The following SULF2 variants were observed in gnomAD, a reference collection of about 807,000 sequenced individuals.
SULF2 encodes sulfatase 2, also known as extracellular sulfatase Sulf-2.
In SULF2, 52 loss-of-function variants were observed where a neutral mutation model predicts 107.7. The observed-to-expected ratio is 0.48, with a 90% CI of 0.39 to 0.61. SULF2 has a LOEUF of 0.61. SULF2 is among the 20% of genes least tolerant of loss of function. SULF2 has a pLI of 0.00. For missense variants in SULF2, 993 were observed against 1,177.3 expected (o/e 0.84, Z 2.29); for synonymous variants, 460 against 464.3 (o/e 0.99, Z 0.12).
intron 1 of SULF2, among the ~76,000 whole-genome samples, chr20:47,780,431 T>C (rs2090809385): frequency 6.6e-6 from 1 of 152,210 alleles, no homozygotes; most frequent in Non-Finnish European, 1.5e-5. Context: ...TTCCCCCAGA[T>C]CTTTCCAAGG....
intron 3 of SULF2, among the ~76,000 whole-genome samples, chr20:47,712,610 G>A (rs2088969713): frequency 6.6e-6 from 1 of 152,206 alleles, no homozygotes; most frequent in South Asian, 2.1e-4. Flanking sequence ...AGCAGTGGCC[G>A]ACAGGAGGGC....
At chr20:47,700,727 C>T (rs527566111) in intron 4 of SULF2, among the ~76,000 whole-genome samples, 1 of 148,698 alleles carries the variant, frequency 6.7e-6, no homozygotes, top group Admixed American at 6.9e-5. Flanking sequence ...CTCACTGCAA[C>T]CTCTGCCTCC....
At chr20:47,717,434 C>A (rs531926761) in intron 3 of SULF2, among the ~76,000 whole-genome samples, 2 of 152,284 alleles carry the variant, frequency 1.3e-5, no homozygotes, top group African/African-American at 2.4e-5. Flanking sequence ...AGGACTCCAG[C>A]GACCACAGAC....
At position 47,757,014 on chromosome 20, in the gene SULF2, C is replaced by A. The variant is rs187174642; in HGVS notation, c.175+175G>T. 2.1e-3 allele frequency among the ~76,000 whole-genome samples: 326 copies of A among 152,336 alleles called. 2 individuals carry two copies. The highest frequency in any genetic ancestry group is 6.8e-3 in the Middle Eastern group (2 of 294). On this transcript the variant is annotated intron_variant, in intron 2 of 20. Transcript: ENST00000688720. Reference sequence around the variant, plus strand: ...ACTGGAGAAGGGTAGAGACCCCTAACCTTGAGGACCCAGTTGTGACCCCAA... The same window carrying A: ...ACTGGAGAAGGGTAGAGACCCCTAAACTTGAGGACCCAGTTGTGACCCCAA...
Position 47,701,922 on chromosome 20 carries a change from A to G in SULF2, c.567+597T>C, listed in dbSNP as rs146866413. On this transcript the variant is annotated intron_variant, in intron 4 of 20. Coordinates refer to ENST00000688720, the MANE Select transcript of SULF2 (RefSeq NM_001387048.1). Reference sequence around the variant, plus strand: ...TGGCCTACCCGGGTGCTCATTACACATGTCCGTTCAGTGTGCGGCAAGCCT... The same window carrying G: ...TGGCCTACCCGGGTGCTCATTACACGTGTCCGTTCAGTGTGCGGCAAGCCT... Among the ~76,000 whole-genome samples, 384 of 152,228 alleles carry G rather than the reference A, an allele frequency of 2.5e-3. 4 individuals carry two copies. Among genetic ancestry groups the G allele is most frequent in the Middle Eastern group, 0.01 (3 of 294 alleles).
At chr20:47,749,117 T>C (rs1220315648) in intron 2 of SULF2, among the ~76,000 whole-genome samples, 2 of 151,788 alleles carry the variant, frequency 1.3e-5, no homozygotes, top group Non-Finnish European at 2.9e-5. Flanking sequence ...AACCACAAGG[T>C]GACTTTGCAG....
At chr20:47,676,830 G>A in intron 9 of SULF2, 1 of 675,306 alleles carries the variant, frequency 1.5e-6, no homozygotes. Context: ...TGCATGAGTT[G>A]GCAATAAATT....
upstream of SULF2, chr20:47,786,589 A>C (rs2090935096): frequency 6.6e-6 from 1 of 152,208 alleles, no homozygotes; most frequent in South Asian, 2.1e-4. Context: ...CTCAAGTGAA[A>C]ATAGCAGCTG....
intron 3 of SULF2, among the ~76,000 whole-genome samples, chr20:47,712,346 C>T (rs550089359): frequency 1.3e-5 from 2 of 152,338 alleles, no homozygotes; most frequent in South Asian, 4.1e-4. Flanking sequence ...CTTCCTTCTG[C>T]CTGGGACGCC....
chr20:47,678,137 T>C lies in SULF2; in HGVS notation c.1193+539A>G, dbSNP rs1202643435. 6.5e-6 allele frequency: 1 copy of C among 152,776 alleles called. No individual in the cohort carries two copies. Among genetic ancestry groups the C allele is most frequent in the Non-Finnish European group, 1.5e-5 (1 of 68,424 alleles). 9.5% of individuals were successfully genotyped at this position (152,776 alleles called of 1,614,324 possible). On this transcript the variant is annotated intron_variant, in intron 8 of 20. Coordinates refer to ENST00000688720, the MANE Select transcript of SULF2 (RefSeq NM_001387048.1). The surrounding 1 kb of genome is among the most constrained non-coding windows in gnomAD (Gnocchi z 4.5). ...CTGCCTCTCTGGACACCTAGGAATA[T>C]GTTCCCATCACACCCTCCAGCATTA... is the stretch of plus-strand genomic sequence containing the variant.
intron 4 of SULF2, among the ~76,000 whole-genome samples, chr20:47,690,885 A>T (rs1258723704): frequency 2.0e-5 from 3 of 150,914 alleles, no homozygotes; most frequent in Non-Finnish European, 4.4e-5. Flanking sequence ...AAAAAAAAAG[A>T]TATTAAAAGA....
At chr20:47,677,057 C>T (rs772901911) in intron 9 of SULF2, 21 bp downstream of exon 9, 5 of 1,613,018 alleles carry the variant, frequency 3.1e-6, no homozygotes, top group African/African-American at 2.7e-5. Context: ...AGGGGTGTCC[C>T]TCCCAGGACC....
intron 3 of SULF2, among the ~76,000 whole-genome samples, chr20:47,728,622 C>T (rs562586370): frequency 1.3e-5 from 2 of 152,076 alleles, no homozygotes; most frequent in East Asian, 1.9e-4. Context: ...GAACAGAGGC[C>T]GCTGCTTCCA....
chr20:47,687,400 G>C (rs568412345), intron 5 of SULF2, among the ~76,000 whole-genome samples: 1 of 152,318 alleles, frequency 6.6e-6, no homozygotes, highest in East Asian at 1.9e-4. Flanking sequence ...GGAATATCTG[G>C]TGCGTTCACA....
intron 2 of SULF2, among the ~76,000 whole-genome samples, chr20:47,742,165 G>A (rs1326947542): frequency 2.6e-5 from 4 of 152,226 alleles, no homozygotes; most frequent in Non-Finnish European, 4.4e-5. Context: ...CTGCCATAGC[G>A]ACGAGGCTGT....
chr20:47,754,119 C>T (rs1288432110), intron 2 of SULF2, among the ~76,000 whole-genome samples: 2 of 152,174 alleles, frequency 1.3e-5, no homozygotes, highest in Admixed American at 6.5e-5. Context: ...ATACGTGGTA[C>T]AGCCCCGAAC....
intron 1 of SULF2, among the ~76,000 whole-genome samples, chr20:47,758,867 C>G (rs1427206519): frequency 6.6e-6 from 1 of 152,146 alleles, no homozygotes; most frequent in African/African-American, 2.4e-5. Flanking sequence ...GTCTGTTTGT[C>G]CTTGCCCTTC....
chr20:47,675,748 C>A (rs2087620293), intron 10 of SULF2, among the ~76,000 whole-genome samples: 1 of 131,536 alleles, frequency 7.6e-6, no homozygotes, highest in Admixed American at 7.9e-5. Flanking sequence ...CCCTGCCCTG[C>A]CCCGCCCCCG....
chr20:47,770,361 C>T (rs1387352990), intron 1 of SULF2, among the ~76,000 whole-genome samples: 1 of 152,040 alleles, frequency 6.6e-6, no homozygotes, highest in Non-Finnish European at 1.5e-5. Flanking sequence ...ATGCCCAGCC[C>T]TGATGTAAGT....
Sources: gnomAD v4.1 joint callset for allele counts (sites outside exome capture counted in the v4.1 genomes callset) on GRCh38, gnomAD v4.1.1 for gene constraint, Gnocchi (gnomAD v3.1) non-coding constraint, MANE v1.5 for transcripts, NCBI Gene and HGNC (gene_info 2026-07-23, HGNC 2026-07-21) for gene names.